AGAP3: variants seen among roughly 807,000 people sequenced by gnomAD.
AGAP3 encodes ArfGAP with GTPase domain, ankyrin repeat and PH domain 3.
In AGAP3, 24 loss-of-function variants were observed where a neutral mutation model predicts 96.9. The observed-to-expected ratio is 0.25, with a 90% confidence interval of 0.18 to 0.35. AGAP3 has a LOEUF of 0.35. Ranked by LOEUF, AGAP3 falls within the 10% of genes least tolerant of loss-of-function variation. AGAP3 has a pLI of 1.00. For synonymous variants in AGAP3, 563 were observed against 536.1 expected (o/e 1.05, Z -0.69); for missense variants, 876 against 1,254.2 (o/e 0.70, Z 4.55).
At chr7:151,097,268 C>T (rs1056567620) in intron 1 of AGAP3, among the ~76,000 whole-genome samples, 8 of 151,908 alleles carry the variant, frequency 5.3e-5, no homozygotes. Flanking sequence ...CTGTGGCTCA[C>T]ACCTGTAATC....
Position 151,118,130 on chromosome 7 carries a change from C to A in AGAP3, c.707-80C>A, listed in dbSNP as rs2150472383. The A allele has an allele frequency of 6.5e-7, 1 of 1,530,478 alleles. No individual in the cohort carries two copies. The highest frequency in any genetic ancestry group is 8.8e-7 in the Non-Finnish European group (1 of 1,130,820). The allele number at this position is 1,530,478 out of a possible 1,614,324, so 94.8% of individuals were successfully genotyped here. Reference sequence around the variant, plus strand: ...ACTCACCAGGCCCTTTGCACACCTGCCCTTGGGCCAAATGCCCCCCACCAC... The same window carrying A: ...ACTCACCAGGCCCTTTGCACACCTGACCTTGGGCCAAATGCCCCCCACCAC... On this transcript the variant is annotated intron_variant, in intron 5 of 17. Coordinates refer to ENST00000397238, the MANE Select transcript of AGAP3 (RefSeq NM_031946.7). This position sits in a 1 kb window ranked among gnomAD's most constrained non-coding sequence, Gnocchi z 6.1.
rs752111513 is a variant in AGAP3, at chr7:151,143,688, T to G, written c.2530-49T>G. On this transcript the variant is annotated intron_variant, in intron 17 of 17. Transcript: ENST00000397238. The surrounding 1 kb of genome is among the most constrained non-coding windows in gnomAD (Gnocchi z 5.9). ...CTTCTTTCCTCCCCTACAACCAATC[T>G]CTCTCCTCCCATGTCTTGCCAACTG... 6.2e-6 allele frequency: 10 copies of G among 1,611,338 alleles called. No homozygotes were observed. In the South Asian group the frequency reaches 9.9e-5, roughly 16 times the overall value.
intron 5 of AGAP3, 170 bp downstream of exon 5, chr7:151,117,947 C>A: frequency 9.9e-7 from 1 of 1,008,170 alleles, no homozygotes; most frequent in Non-Finnish European, 1.4e-6. Flanking sequence ...GCTTTTGCCC[C>A]CACTGAAACC....
At position 151,143,280 on chromosome 7, in the gene AGAP3, G is replaced by C; in HGVS notation, c.2274-61G>C. On this transcript the variant is annotated intron_variant, in intron 16 of 17. Transcript: ENST00000397238. This position sits in a 1 kb window ranked among gnomAD's most constrained non-coding sequence, Gnocchi z 5.9. ...CGCTTCCTTTCCTGCCCACCTTCCT[G>C]GCCCCACCCGTTGCTCGGTGACCTT... The C allele has an allele frequency of 6.5e-7, 1 of 1,548,040 alleles. No individual in the cohort carries two copies. Among genetic ancestry groups the C allele is most frequent in the Admixed American group, 1.9e-5 (1 of 52,428 alleles).
chr7:151,120,786 C>G, intron 8 of AGAP3: 1 of 1,183,718 alleles, frequency 8.4e-7, no homozygotes, highest in South Asian at 1.6e-5. Flanking sequence ...TCACCCCTCA[C>G]AAACCTCACA....
intron 11 of AGAP3, among the ~76,000 whole-genome samples, chr7:151,137,341 G>GC (rs535901746): frequency 1.1e-4 from 16 of 151,842 alleles, no homozygotes; most frequent in African/African-American, 2.9e-4. Context: ...CTCAGGTTCG[G>GC]CCCCCGTGTT....
In AGAP3 at chr7:151,140,428, CTCTTGTG is replaced by C. The variant is rs1800774051; in HGVS notation, c.1804+315_1804+321del. On this transcript the variant is annotated intron_variant, in intron 13 of 17. Coordinates refer to ENST00000397238, the MANE Select transcript of AGAP3 (RefSeq NM_031946.7). The surrounding 1 kb of genome is among the most constrained non-coding windows in gnomAD (Gnocchi z 5.4). The stretch of plus-strand genomic sequence containing the variant: ...TTCGGGCAGGACCTGTGTTTTCTGT[CTCTTGTG>C]TCATACCGAGTTTAATAAAGTGCTG... 1 of 207,328 alleles carries C rather than the reference CTCTTGTG, an allele frequency of 4.8e-6. No homozygotes were observed. Among genetic ancestry groups the C allele is most frequent in the Non-Finnish European group, 9.5e-6 (1 of 104,834 alleles). The allele number at this position is 207,328 out of a possible 1,614,324, so 12.8% of individuals were successfully genotyped here.
chr7:151,123,909 G>T (rs374471713), intron 9 of AGAP3, 23 bp downstream of exon 9: 7 of 1,597,318 alleles, frequency 4.4e-6, no homozygotes, highest in Non-Finnish European at 5.1e-6. Context: ...CTTCCCGTGT[G>T]CTCCAGGGCT....
chr7:151,137,974 G>A (rs990448028), intron 11 of AGAP3, 169 bp from the exon 12 acceptor site: 11 of 603,562 alleles, frequency 1.8e-5, no homozygotes, highest in Non-Finnish European at 3.2e-5. Context: ...AGGCACACAG[G>A]GTCCCTGCGC....
At chr7:151,093,382 T>C (rs1798474945) in intron 1 of AGAP3, among the ~76,000 whole-genome samples, 1 of 152,090 alleles carries the variant, frequency 6.6e-6, no homozygotes, top group South Asian at 2.1e-4. Flanking sequence ...CTCAAGCAAT[T>C]TTTCCACCTC....
intron 8 of AGAP3, among the ~76,000 whole-genome samples, chr7:151,122,343 C>CT (rs898760917): frequency 6.6e-6 from 1 of 152,218 alleles, no homozygotes; most frequent in Non-Finnish European, 1.5e-5. Flanking sequence ...CTTGCTTTCT[C>CT]CCACGCTGCA....
chr7:151,087,229 C>T (rs1029514707), intron 1 of AGAP3, 157 bp downstream of exon 1: 22 of 764,764 alleles, frequency 2.9e-5, no homozygotes, highest in African/African-American at 2.8e-4. Context: ...GTTGCAGAAC[C>T]GGCGGGCAGC....
Position 151,142,238 on chromosome 7 carries a change from G to T in AGAP3, c.2035G>T (p.Asp679Tyr). 1 of 1,613,186 alleles carries T rather than the reference G, an allele frequency of 6.2e-7. No homozygotes were observed. The highest frequency in any genetic ancestry group is 1.1e-5 in the South Asian group (1 of 91,050). The change falls in exon 15 of 18, where the codon GAC (aspartate) becomes TAC (tyrosine). Residue 679 changes from aspartate to tyrosine, a missense_variant. Coordinates refer to ENST00000397238, the MANE Select transcript of AGAP3 (RefSeq NM_031946.7). The surrounding 1 kb of genome is among the most constrained non-coding windows in gnomAD (Gnocchi z 7.5). ...RTVRGNSFCI[D>Y]CDAPNPDWAS... ...CGTCCGCGGCAACAGCTTTTGTATCGACTGCGATGCACCCAGTGAGTGCAA... is the reference window on the plus strand; with the variant it reads ...CGTCCGCGGCAACAGCTTTTGTATCTACTGCGATGCACCCAGTGAGTGCAA...
In AGAP3 at chr7:151,114,633, TGGA is replaced by T. The variant is rs1285599344; in HGVS notation, c.332-2155_332-2153del. 1 of 792,134 alleles carries T rather than the reference TGGA, an allele frequency of 1.3e-6. No individual in the cohort carries two copies. The highest frequency in any genetic ancestry group is 1.5e-6 in the Non-Finnish European group (1 of 652,440). 49.1% of individuals were successfully genotyped at this position (792,134 alleles called of 1,614,324 possible). A position where few individuals can be genotyped will look rare whatever the true frequency, so the allele number is the denominator to read the frequency against. On this transcript the variant is annotated intron_variant, in intron 1 of 17. Transcript: ENST00000397238. This position sits in a 1 kb window ranked among gnomAD's most constrained non-coding sequence, Gnocchi z 4.4. ...AGGTCTGGGCTTGCCGGCCGCGAGG[TGGA>T]GGAGTTGAGGGACTCGGTCGGCCCA... is the stretch of plus-strand genomic sequence containing the variant.
At chr7:151,104,785 G>A (rs1236151172) in intron 1 of AGAP3, among the ~76,000 whole-genome samples, 1 of 152,212 alleles carries the variant, frequency 6.6e-6, no homozygotes, top group Non-Finnish European at 1.5e-5. Flanking sequence ...AGGCACACAG[G>A]TATTGATTAC....
rs1204662979 is a variant in AGAP3, at chr7:151,133,470, T to TG, written c.1327-924dup. Among the ~76,000 whole-genome samples, 1 of 149,456 alleles carries TG rather than the reference T, an allele frequency of 6.7e-6. No individual in the cohort carries two copies. The highest frequency in any genetic ancestry group is 2.5e-5 in the African/African-American group (1 of 40,804). On this transcript the variant is annotated intron_variant, in intron 10 of 17. Coordinates refer to ENST00000397238, the MANE Select transcript of AGAP3 (RefSeq NM_031946.7). The surrounding 1 kb of genome is among the most constrained non-coding windows in gnomAD (Gnocchi z 5.4). Reference sequence around the variant, plus strand: ...CTCGGCCGTGGTGCTCCCTAAATGATGGGGGGAGTCCAAGCACAAAGTGGC... The same window carrying TG: ...CTCGGCCGTGGTGCTCCCTAAATGATGGGGGGGAGTCCAAGCACAAAGTGGC...
Position 151,092,313 on chromosome 7 carries a change from CCCGTAAGAACTCCCATGT to C in AGAP3, c.331+5246_331+5263del, listed in dbSNP as rs776751221. Among the ~76,000 whole-genome samples the C allele has an allele frequency of 8.5e-5, 13 of 152,210 alleles. 1 individual carries two copies. The highest frequency in any genetic ancestry group is 1.6e-4 in the Non-Finnish European group (11 of 68,032). ...CCAAGGCTGGGGGGAGACAGACACC[CCCGTAAGAACTCCCATGT>C]CCGTGTGTGGCATTGCCTAAACATC... is the stretch of plus-strand genomic sequence containing the variant. On this transcript the variant is annotated intron_variant, in intron 1 of 17. Coordinates refer to ENST00000397238, the MANE Select transcript of AGAP3 (RefSeq NM_031946.7).
intron 9 of AGAP3, chr7:151,128,368 T>C (rs1411131235): frequency 9.2e-6 from 5 of 546,366 alleles, no homozygotes; most frequent in Non-Finnish European, 1.6e-5. Flanking sequence ...AGCTGCTTCC[T>C]GATGGATGAT....
chr7:151,137,774 G>C, intron 11 of AGAP3: 1 of 287,932 alleles, frequency 3.5e-6, no homozygotes. Context: ...ATGTGGACTA[G>C]AATGGAGGGT....
Sources: allele counts gnomAD v4.1 joint callset (sites outside exome capture counted in the v4.1 genomes callset), GRCh38; gene constraint gnomAD v4.1.1; non-coding constraint Gnocchi (gnomAD v3.1); transcripts MANE v1.5; gene names NCBI Gene and HGNC (gene_info 2026-07-23, HGNC 2026-07-21).